POLR3B: variants seen among roughly 807,000 people sequenced by gnomAD.
The protein encoded by POLR3B is DNA-directed RNA polymerase III subunit RPC2.
POLR3B carries 96 observed loss-of-function variants against 147.4 expected under a neutral mutation model. That is an observed-to-expected ratio of 0.65 (90% CI 0.55 to 0.77). The LOEUF (loss-of-function observed/expected upper bound fraction) is 0.77. POLR3B is among the 30% of genes least tolerant of loss of function. The pLI is 0.00. For missense variants in POLR3B, 1,036 were observed against 1,413.5 expected (o/e 0.73, Z 4.28); for synonymous variants, 461 against 485.9 (o/e 0.95, Z 0.67).
At chr12:106,374,935 G>A (rs774441352) in intron 6 of POLR3B, among the ~76,000 whole-genome samples, 2 of 152,052 alleles carry the variant, frequency 1.3e-5, no homozygotes, top group Non-Finnish European at 2.9e-5. Context: ...ATTTTTACAC[G>A]TCAGACTTTT....
chr12:106,423,361 TTAGA>T (rs1389461637), intron 12 of POLR3B, among the ~76,000 whole-genome samples: 1 of 152,192 alleles, frequency 6.6e-6, no homozygotes, highest in Non-Finnish European at 1.5e-5. Context: ...TTAAAATTTT[TTAGA>T]TAGATAGATA....
intron 9 of POLR3B, among the ~76,000 whole-genome samples, chr12:106,382,373 C>T (rs1476470696): frequency 1.3e-5 from 2 of 152,274 alleles, no homozygotes; most frequent in African/African-American, 4.8e-5. Flanking sequence ...CTCTTGTATT[C>T]AAGGGAATCA....
At chr12:106,430,897 G>T (rs1424074688) in intron 14 of POLR3B, among the ~76,000 whole-genome samples, 1 of 152,100 alleles carries the variant, frequency 6.6e-6, no homozygotes, top group Non-Finnish European at 1.5e-5. Context: ...ACCTAATGTG[G>T]ATTTTGACTC....
chr12:106,485,389 A>G (rs1184725016), intron 23 of POLR3B, among the ~76,000 whole-genome samples: 3 of 152,136 alleles, frequency 2.0e-5, no homozygotes, highest in Non-Finnish European at 4.4e-5. Context: ...AATATAAGCA[A>G]AGGAGTGACG....
At chr12:106,366,802 C>A in intron 4 of POLR3B, 80 bp downstream of exon 4, 1 of 1,163,932 alleles carries the variant, frequency 8.6e-7, no homozygotes, top group Non-Finnish European at 1.3e-6. Context: ...TATCAAAACT[C>A]TTTTAAAATC....
intron 23 of POLR3B, among the ~76,000 whole-genome samples, chr12:106,478,011 T>C (rs1592764839): frequency 6.9e-6 from 1 of 145,040 alleles, no homozygotes; most frequent in East Asian, 2.4e-4. Flanking sequence ...TTCAAGCAAT[T>C]CTTCTGCCTC....
intron 23 of POLR3B, among the ~76,000 whole-genome samples, chr12:106,484,269 A>G (rs1446591752): frequency 1.3e-5 from 2 of 152,210 alleles, no homozygotes; most frequent in East Asian, 1.9e-4. Context: ...GATGGCACCA[A>G]TCACAAAGCA....
intron 20 of POLR3B, 54 bp from the exon 21 acceptor site, chr12:106,457,084 C>T (rs1202501146): frequency 4.9e-5 from 72 of 1,478,786 alleles, no homozygotes; most frequent in South Asian, 5.7e-5. Flanking sequence ...ATCCATATTT[C>T]CTTATAGCTT....
intron 12 of POLR3B, among the ~76,000 whole-genome samples, chr12:106,414,503 T>G (rs886189607): frequency 2.2e-4 from 33 of 152,128 alleles, no homozygotes; most frequent in African/African-American, 6.8e-4. Flanking sequence ...GATTATGAGT[T>G]TCAAGTTCAC....
rs896884924 is a variant in POLR3B at position 106,387,154 on chromosome 12, A to T, written c.724-5877A>T. Among the ~76,000 whole-genome samples the T allele has an allele frequency of 2.0e-5, 3 of 152,190 alleles. No homozygotes were observed. The East Asian group carries it at 5.8e-4, about 29-fold the overall frequency. On this transcript the variant is annotated intron_variant, in intron 9 of 27. Transcript: ENST00000228347. ...CTTAAAAGTATATCTACATTTTTGG[A>T]TATATTTTTCCAGACAGTTTTCCTG... is the stretch of plus-strand genomic sequence containing the variant.
At chr12:106,473,868 C>T (rs915185109) in intron 23 of POLR3B, among the ~76,000 whole-genome samples, 14 of 150,890 alleles carry the variant, frequency 9.3e-5, no homozygotes, top group Admixed American at 3.3e-4. Flanking sequence ...CCTTCTCCTG[C>T]GTGATTGCCC....
At chr12:106,382,144 T>C in intron 9 of POLR3B, 1 of 152,598 alleles carries the variant, frequency 6.6e-6, no homozygotes, top group South Asian at 2.0e-4. Context: ...TAAGAATGCC[T>C]TAACCTCCTT....
chr12:106,387,690 G>A (rs1316365522), intron 9 of POLR3B, among the ~76,000 whole-genome samples: 1 of 152,160 alleles, frequency 6.6e-6, no homozygotes, highest in African/African-American at 2.4e-5. Flanking sequence ...AGGCAGCATA[G>A]AGTATTGGAT....
Position 106,459,285 on chromosome 12 carries a change from T to C in POLR3B, c.2487T>C (p.Asn829=). Residue 829 remains asparagine, a synonymous_variant, in exon 22 of 28, where the codon AAT becomes AAC. Coordinates refer to ENST00000228347, the MANE Select transcript of POLR3B (RefSeq NM_018082.6). ...EKVENKQVLV[N]KSMPTVTQIP... The stretch of plus-strand genomic sequence containing the variant: ...TAGAAAACAAACAAGTGCTTGTAAA[T>C]AAGTCCATGCCCACAGTGACTCAGA... 1 of 1,609,314 alleles carries C rather than the reference T, an allele frequency of 6.2e-7. No homozygotes were observed. Among genetic ancestry groups the C allele is most frequent in the African/African-American group, 1.3e-5 (1 of 74,934 alleles).
At chr12:106,440,235 A>G (rs1273097240) in intron 18 of POLR3B, among the ~76,000 whole-genome samples, 1 of 152,056 alleles carries the variant, frequency 6.6e-6, no homozygotes, top group Admixed American at 6.6e-5. Context: ...GAGCCTTCCA[A>G]ATACATCTGG....
intron 23 of POLR3B, among the ~76,000 whole-genome samples, chr12:106,478,140 C>T (rs2038209126): frequency 6.6e-6 from 1 of 151,924 alleles, no homozygotes; most frequent in African/African-American, 2.4e-5. Flanking sequence ...TTCCTCAGCT[C>T]AGGCAATCCA....
intron 6 of POLR3B, among the ~76,000 whole-genome samples, chr12:106,370,966 G>C (rs2036598772): frequency 6.6e-6 from 1 of 152,078 alleles, no homozygotes; most frequent in South Asian, 2.1e-4. Context: ...TTTCTTTCTT[G>C]TATATGGACC....
chr12:106,368,409 A>C (rs1442146661), intron 4 of POLR3B, among the ~76,000 whole-genome samples: 1 of 152,044 alleles, frequency 6.6e-6, no homozygotes, highest in Non-Finnish European at 1.5e-5. Context: ...ACATATATTA[A>C]AAACCATGCA....
At chr12:106,446,311 C>T (rs752990527) in intron 19 of POLR3B, 22 of 452,194 alleles carry the variant, frequency 4.9e-5, no homozygotes, top group Non-Finnish European at 6.6e-5. Context: ...GTTTGAAGAT[C>T]GAAACAGAGC....
Sources: gnomAD v4.1 joint callset for allele counts (sites outside exome capture counted in the v4.1 genomes callset) on GRCh38, gnomAD v4.1.1 for gene constraint, MANE v1.5 for transcripts, NCBI Gene and HGNC (gene_info 2026-07-23, HGNC 2026-07-21) for gene names.